DCX: variants seen among roughly 807,000 people sequenced by gnomAD.
DCX encodes the protein neuronal migration protein doublecortin.
A neutral mutation model predicts 20.9 loss-of-function variants in DCX; 4 were observed. The observed-to-expected ratio is 0.19, with a 90% CI of 0.09 to 0.44. The LOEUF (loss-of-function observed/expected upper bound fraction) is 0.44, where lower values mean the gene tolerates loss of function less well. Among genes scored for constraint, DCX ranks in the 20% least tolerant of loss-of-function variants. The pLI is 0.99. For synonymous variants in DCX, 103 were observed against 111.4 expected (o/e 0.92, Z 0.47); for missense variants, 133 against 296.9 (o/e 0.45, Z 4.06).
chrX:111,302,321 C>T (rs1487604140), intron 6 of DCX, among the ~76,000 whole-genome samples: 4 of 111,270 alleles, frequency 3.6e-5, no homozygotes, highest in Admixed American at 9.6e-5. Context: ...TGTAGATGCA[C>T]CACAGTTTGT....
At chrX:111,391,527 G>A (rs1350268594) in intron 3 of DCX, among the ~76,000 whole-genome samples, 1 of 111,013 alleles carries the variant, frequency 9.0e-6, no homozygotes, top group Non-Finnish European at 1.9e-5. Flanking sequence ...TGTCTGCCCG[G>A]CACCTTACCT....
At position 111,295,904 on chromosome X, in the gene DCX, C is replaced by A. The variant is rs1400208132; in HGVS notation, c.*5783G>T. On this transcript the variant is annotated 3_prime_UTR_variant, in exon 7 of 7. Coordinates refer to ENST00000636035, the MANE Select transcript of DCX (RefSeq NM_001195553.2). Reference sequence around the variant, plus strand: ...AGGGCCAGGATCAGGTTGATTCCCACCAACATACTTCTGATTGGACTGGGG... The same window carrying A: ...AGGGCCAGGATCAGGTTGATTCCCAACAACATACTTCTGATTGGACTGGGG... The A allele has an allele frequency of 8.9e-6, 1 of 111,845 alleles. No individual in the cohort carries two copies. Among genetic ancestry groups the A allele is most frequent in the Non-Finnish European group, 1.9e-5 (1 of 53,234 alleles). 9.2% of individuals were successfully genotyped at this position (111,845 alleles called of 1,213,427 possible).
intron 6 of DCX, 65 bp from the exon 7 acceptor site, chrX:111,301,808 G>C (rs1287931500): frequency 1.9e-6 from 2 of 1,030,285 alleles, no homozygotes; most frequent in Non-Finnish European, 2.7e-6. Context: ...TGGAATGTCT[G>C]CTTTAGTTTT....
rs2095030378 is a variant in DCX at position 111,300,024 on chromosome X, A to G, written c.*1663T>C. ...ACACACACATGCACCACCCCCTCCC[A>G]CCACCACCACACACACACACAGCAA... On this transcript the variant is annotated 3_prime_UTR_variant, in exon 7 of 7. Transcript: ENST00000636035. 9.0e-6 allele frequency: 1 copy of G among 110,519 alleles called. No homozygotes were observed. The highest frequency in any genetic ancestry group is 3.3e-5 in the African/African-American group (1 of 30,358). 9.1% of individuals were successfully genotyped at this position (110,519 alleles called of 1,213,427 possible).
chrX:111,409,210 C>T (rs1277958708), intron 2 of DCX, among the ~76,000 whole-genome samples: 1 of 111,062 alleles, frequency 9.0e-6, no homozygotes, highest in Non-Finnish European at 1.9e-5. Flanking sequence ...AAAATGTGAC[C>T]CAAGATCTAT....
At chrX:111,350,436 A>G (rs1923215814) in intron 3 of DCX, among the ~76,000 whole-genome samples, 1 of 112,355 alleles carries the variant, frequency 8.9e-6, no homozygotes, top group South Asian at 3.8e-4. Context: ...CCTCTGAACC[A>G]TATAGTTACC....
intron 2 of DCX, among the ~76,000 whole-genome samples, chrX:111,409,248 A>G (rs1386307302): frequency 8.9e-6 from 1 of 111,787 alleles, no homozygotes; most frequent in African/African-American, 3.3e-5. Flanking sequence ...AGAAGACTCT[A>G]TGGCTGGGTA....
At chrX:111,372,326 A>C (rs2147712007) in intron 3 of DCX, among the ~76,000 whole-genome samples, 1 of 111,818 alleles carries the variant, frequency 8.9e-6, no homozygotes, top group African/African-American at 3.2e-5. Flanking sequence ...GTTGCTGGAA[A>C]ATTGGTTACA....
intron 3 of DCX, among the ~76,000 whole-genome samples, chrX:111,340,531 C>T (rs1477565814): frequency 9.0e-6 from 1 of 111,612 alleles, no homozygotes; most frequent in Non-Finnish European, 1.9e-5. Flanking sequence ...CAAAGTGCTT[C>T]ATTAAATGGG....
At chrX:111,359,397 T>C (rs1419780348) in intron 3 of DCX, among the ~76,000 whole-genome samples, 1 of 111,520 alleles carries the variant, frequency 9.0e-6, no homozygotes, top group African/African-American at 3.3e-5. Flanking sequence ...ACACCAAAAA[T>C]AGAGATAAGC....
At position 111,322,027 on chromosome X, in the gene DCX, T is replaced by C. The variant is rs532131729; in HGVS notation, c.946+8877A>G. 2.7e-5 allele frequency among the ~76,000 whole-genome samples: 3 copies of C among 112,430 alleles called. No individual in the cohort carries two copies. The South Asian group carries it at 1.1e-3, about 42-fold the overall frequency. On this transcript the variant is annotated intron_variant, in intron 5 of 6. Coordinates refer to ENST00000636035, the MANE Select transcript of DCX (RefSeq NM_001195553.2). ...ATCAAGCCTCGTGGTTTTTATTTGA[T>C]GTCATTTTGAAATATTGCTCATTGA...
chrX:111,335,875 A>G (rs1921681859), intron 3 of DCX, among the ~76,000 whole-genome samples: 1 of 110,359 alleles, frequency 9.1e-6, no homozygotes, highest in African/African-American at 3.3e-5. Flanking sequence ...AATTGCTCGA[A>G]CCTGGGAGGC....
At chrX:111,347,031 C>T (rs1448410154) in intron 3 of DCX, among the ~76,000 whole-genome samples, 1 of 111,430 alleles carries the variant, frequency 9.0e-6, no homozygotes, top group Non-Finnish European at 1.9e-5. Context: ...ATTTAGGCTC[C>T]ACAAGAGTAG....
chrX:111,316,086 TA>T (rs754058802), intron 5 of DCX, among the ~76,000 whole-genome samples: 9,238 of 50,560 alleles, frequency 0.18, 469 homozygotes, highest in South Asian at 0.23. Flanking sequence ...TAATAAAAAA[TA>T]AAAAAAAAAA....
At chrX:111,342,409 CA>C (rs1361371518) in intron 3 of DCX, among the ~76,000 whole-genome samples, 8 of 76,507 alleles carry the variant, frequency 1.0e-4, no homozygotes, top group Non-Finnish European at 2.0e-4. Flanking sequence ...CATCCATATT[CA>C]AAAAACAAGT....
intron 5 of DCX, among the ~76,000 whole-genome samples, chrX:111,323,603 G>GTTTTTTTTTTTT (rs780794851): frequency 9.6e-5 from 5 of 52,162 alleles, no homozygotes; most frequent in Non-Finnish European, 1.4e-4. Flanking sequence ...TATTATTTCT[G>GTTTTTTTTTTTT]TTTTTTTTTT....
chrX:111,348,086 A>T (rs1329468026), intron 3 of DCX, among the ~76,000 whole-genome samples: 1 of 112,227 alleles, frequency 8.9e-6, no homozygotes, highest in Non-Finnish European at 1.9e-5. Context: ...TGAAATGTCA[A>T]GGTCCATGAA....
intron 3 of DCX, among the ~76,000 whole-genome samples, chrX:111,367,155 G>T (rs1603419576): frequency 8.9e-6 from 1 of 111,988 alleles, no homozygotes; most frequent in East Asian, 2.8e-4. Context: ...AACCCCTCAT[G>T]CATCTTTGTC....
intron 5 of DCX, among the ~76,000 whole-genome samples, chrX:111,313,773 CTAAAG>C (rs1301136933): frequency 9.2e-6 from 1 of 108,856 alleles, no homozygotes; most frequent in Non-Finnish European, 1.9e-5. Context: ...ACACTTCATA[CTAAAG>C]TATTTTTTTT....
Sources: allele counts gnomAD v4.1 joint callset (sites outside exome capture counted in the v4.1 genomes callset), GRCh38; gene constraint gnomAD v4.1.1; transcripts MANE v1.5; gene names NCBI Gene and HGNC (gene_info 2026-07-23, HGNC 2026-07-21).